The following NBEA variants were observed in gnomAD, a reference collection of about 807,000 sequenced individuals.
NBEA encodes lysosomal-trafficking regulator 2.
Under a neutral mutation model 343.4 loss-of-function variants are expected in NBEA, and 44 were observed. The ratio of observed to expected loss-of-function variants is 0.13; its 90% confidence interval spans 0.10 to 0.16. The LOEUF is 0.16. Among genes scored for constraint, NBEA ranks in the 10% least tolerant of loss-of-function variants. The pLI, the probability that NBEA is intolerant of heterozygous loss-of-function variation, is 1.00. For synonymous variants in NBEA, 1,175 were observed against 1,238.7 expected, an observed-to-expected ratio of 0.95 and a Z score of 1.08; for missense variants, 2,555 against 3,631.3, an observed-to-expected ratio of 0.70 and a Z score of 7.62.
At chr13:35,145,351 T>G (rs1274336405) in intron 18 of NBEA, among the ~76,000 whole-genome samples, 1 of 152,196 alleles carries the variant, frequency 6.6e-6, no homozygotes, top group African/African-American at 2.4e-5. Flanking sequence ...GTGTAGTTTC[T>G]TGGGCTTAGG....
chr13:35,085,051 A>G (rs1273620808), intron 10 of NBEA, among the ~76,000 whole-genome samples: 3 of 152,184 alleles, frequency 2.0e-5, no homozygotes, highest in Non-Finnish European at 4.4e-5. Flanking sequence ...TGAATCTCTG[A>G]ATAGACCAAT....
chr13:35,590,628 A>G (rs1452549943), intron 46 of NBEA, among the ~76,000 whole-genome samples: 2 of 152,104 alleles, frequency 1.3e-5, no homozygotes, highest in Non-Finnish European at 2.9e-5. Context: ...GGCTGATGAT[A>G]AGAAGTACGG....
At chr13:35,086,694 C>G (rs766750139) in intron 10 of NBEA, among the ~76,000 whole-genome samples, 2 of 151,796 alleles carry the variant, frequency 1.3e-5, no homozygotes, top group African/African-American at 2.4e-5. Context: ...ATTGCTGGGT[C>G]GAATGGTAGT....
chr13:34,967,075 G>A (rs2059845366), intron 1 of NBEA, among the ~76,000 whole-genome samples: 1 of 151,316 alleles, frequency 6.6e-6, no homozygotes, highest in Non-Finnish European at 1.5e-5. Context: ...AATGTAGAGT[G>A]CTTTGGGAAG....
At chr13:35,293,112 A>G (rs1009014617) in intron 35 of NBEA, among the ~76,000 whole-genome samples, 2 of 151,908 alleles carry the variant, frequency 1.3e-5, no homozygotes, top group African/African-American at 4.8e-5. Context: ...TACTATTCCT[A>G]ATAGTTTGTG....
At chr13:35,463,171 G>A (rs966659377) in intron 40 of NBEA, among the ~76,000 whole-genome samples, 2 of 152,198 alleles carry the variant, frequency 1.3e-5, no homozygotes, top group African/African-American at 4.8e-5. Flanking sequence ...AGGAAGTAAA[G>A]TAGTAAGAGA....
At chr13:35,010,124 G>A (rs1294657148) in intron 1 of NBEA, among the ~76,000 whole-genome samples, 1 of 152,164 alleles carries the variant, frequency 6.6e-6, no homozygotes, top group Non-Finnish European at 1.5e-5. Flanking sequence ...CTGCAAAATG[G>A]TCTGAGGTTA....
intron 45 of NBEA, among the ~76,000 whole-genome samples, chr13:35,575,946 C>T (rs1346380254): frequency 6.6e-6 from 1 of 151,970 alleles, no homozygotes; most frequent in African/African-American, 2.4e-5. Flanking sequence ...TAGAACATAA[C>T]AATAACAGCC....
chr13:35,125,914 G>A (rs145628038), intron 17 of NBEA, among the ~76,000 whole-genome samples: 6 of 152,238 alleles, frequency 3.9e-5, no homozygotes, highest in African/African-American at 9.6e-5. Flanking sequence ...CAGCTACTCC[G>A]GAGGCTTACG....
intron 41 of NBEA, among the ~76,000 whole-genome samples, chr13:35,489,464 C>A (rs2076425403): frequency 6.6e-6 from 1 of 151,894 alleles, no homozygotes; most frequent in Non-Finnish European, 1.5e-5. Context: ...TGGAATACAG[C>A]TAATTCTCTA....
At position 35,671,840 on chromosome 13, in the gene NBEA, T is replaced by C. The variant is rs1418898074; in HGVS notation, c.*849T>C. On this transcript the variant is annotated 3_prime_UTR_variant, in exon 59 of 59. Transcript: ENST00000379939. The stretch of plus-strand genomic sequence containing the variant: ...AGGGATGAGGTCCTGGTTTTTCTTG[T>C]ATAAATAGGAGTCATGGGCGTTAGT... 1 of 152,618 alleles carries C rather than the reference T, an allele frequency of 6.6e-6. No individual in the cohort carries two copies. The highest frequency in any genetic ancestry group is 1.5e-5 in the Non-Finnish European group (1 of 68,048). 9.5% of individuals were successfully genotyped at this position (152,618 alleles called of 1,614,324 possible).
chr13:35,273,198 C>T (rs2034305078), intron 34 of NBEA, among the ~76,000 whole-genome samples: 1 of 152,162 alleles, frequency 6.6e-6, no homozygotes. Context: ...GATTAAGAAA[C>T]TCACTCAAAA....
chr13:35,266,742 G>A (rs529248300), intron 34 of NBEA, among the ~76,000 whole-genome samples: 11 of 151,934 alleles, frequency 7.2e-5, no homozygotes, highest in African/African-American at 2.6e-4. Flanking sequence ...AATTAGATAA[G>A]AGGAATAATT....
At chr13:35,314,339 T>C (rs1356195107) in intron 36 of NBEA, among the ~76,000 whole-genome samples, 4 of 152,146 alleles carry the variant, frequency 2.6e-5, no homozygotes, top group South Asian at 2.1e-4. Flanking sequence ...CTGTCTTTGA[T>C]AGTGTAATGT....
intron 35 of NBEA, among the ~76,000 whole-genome samples, chr13:35,302,497 C>G (rs1238281198): frequency 6.6e-6 from 1 of 152,174 alleles, no homozygotes. Flanking sequence ...ATTATACTCT[C>G]TTAATATTAG....
At chr13:35,403,297 A>T (rs2043084665) in intron 38 of NBEA, among the ~76,000 whole-genome samples, 1 of 152,080 alleles carries the variant, frequency 6.6e-6, no homozygotes. Context: ...ATTTGCAAAC[A>T]CTATTATAAG....
intron 30 of NBEA, among the ~76,000 whole-genome samples, chr13:35,188,248 CATT>C (rs2071872585): frequency 6.8e-6 from 1 of 146,854 alleles, no homozygotes; most frequent in African/African-American, 2.5e-5. Flanking sequence ...CCTCACGTAT[CATT>C]TTTTTTTTTT....
At chr13:35,078,507 A>C (rs1418385525) in intron 10 of NBEA, among the ~76,000 whole-genome samples, 2 of 152,206 alleles carry the variant, frequency 1.3e-5, no homozygotes, top group Non-Finnish European at 2.9e-5. Flanking sequence ...TGGTCAAATG[A>C]GATGAATGTC....
In NBEA at chr13:35,004,119, T is replaced by C. The variant is rs6562704; in HGVS notation, c.295-36814T>C. 7.7e-3 allele frequency among the ~76,000 whole-genome samples: 1,172 copies of C among 152,330 alleles called. 16 individuals are homozygous for C. The highest frequency in any genetic ancestry group is 0.027 in the African/African-American group (1,102 of 41,574). On this transcript the variant is annotated intron_variant, in intron 1 of 58. Coordinates refer to ENST00000379939, the MANE Select transcript of NBEA (RefSeq NM_001385012.1). Reference sequence around the variant, plus strand: ...CAAAGGACATGATCTTGTTTCTTTTTATGGTTGCATTAGTATTCCATGGTA... The same window carrying C: ...CAAAGGACATGATCTTGTTTCTTTTCATGGTTGCATTAGTATTCCATGGTA...
Sources: allele counts gnomAD v4.1 joint callset (sites outside exome capture counted in the v4.1 genomes callset), GRCh38; gene constraint gnomAD v4.1.1; transcripts MANE v1.5; gene names NCBI Gene and HGNC (gene_info 2026-07-23, HGNC 2026-07-21).